Variants in CIAO3 observed in about 807,000 individuals in gnomAD.
CIAO3 encodes the protein LET1 like/JFP15.
CIAO3 carries 45 observed loss-of-function variants against 51.5 expected under a neutral mutation model. The observed-to-expected ratio is 0.87, with a 90% CI of 0.69 to 1.12. The LOEUF (loss-of-function observed/expected upper bound fraction) is 1.12, where lower values mean the gene tolerates loss of function less well. Ranked by LOEUF, CIAO3 falls within the 50% of genes most tolerant of loss-of-function variation. The probability of loss-of-function intolerance (pLI) is 0.00; values close to 1 mark genes in which losing one functional copy is unlikely to be tolerated. For synonymous variants in CIAO3, 314 were observed against 269.3 expected (o/e 1.17, Z -1.63); for missense variants, 668 against 632.5 (o/e 1.06, Z -0.60).
In CIAO3 at chr16:729,994, A is replaced by G; in HGVS notation, c.*423T>C. On this transcript the variant is annotated 3_prime_UTR_variant, in exon 11 of 11. Transcript: ENST00000251588. ...CCCTGCAGGTCCAGCTCTGTCTCCC[A>G]CCTTTTGCACAGAGCTTCAAGGGAA... The G allele has an allele frequency of 3.0e-6, 1 of 337,902 alleles. No homozygotes were observed. The highest frequency in any genetic ancestry group is 8.6e-5 in the East Asian group (1 of 11,690). 20.9% of individuals were successfully genotyped at this position (337,902 alleles called of 1,614,324 possible).
chr16:734,190 C>T (rs746000897), intron 6 of CIAO3, 39 bp downstream of exon 6: 47 of 1,574,122 alleles, frequency 3.0e-5, no homozygotes, highest in Non-Finnish European at 1.9e-5. Flanking sequence ...CTTCTGGCCG[C>T]TCCCCAGCCT....
intron 1 of CIAO3, 26 bp downstream of exon 1, chr16:740,894 G>T: frequency 6.6e-7 from 1 of 1,526,644 alleles, no homozygotes; most frequent in Admixed American, 2.0e-5. Flanking sequence ...GCGCAGCCTC[G>T]ACCCCGCCCG....
At chr16:732,716 G>C in intron 7 of CIAO3, 1 of 366,922 alleles carries the variant, frequency 2.7e-6, no homozygotes, top group Non-Finnish European at 5.3e-6. Flanking sequence ...GGCTCACTAC[G>C]ACCTCTGCCC....
At position 734,322 on chromosome 16, in the gene CIAO3, A is replaced by G. The variant is rs756645450; in HGVS notation, c.600T>C (p.Thr200=). Residue 200 remains threonine (T), a synonymous_variant, in exon 6 of 11, where the codon ACT becomes ACC. Coordinates refer to ENST00000251588, the MANE Select transcript of CIAO3 (RefSeq NM_022493.3). ...TGTGGGGGAGGATGAAGCTGCCGTG[A>G]GTCTTCTCGGCATAGCAGATCCAGC... is the stretch of plus-strand genomic sequence containing the variant. ...CPGWICYAEK[T]HGSFILPHIS... 2 of 1,611,300 alleles carry G rather than the reference A, an allele frequency of 1.2e-6. No homozygotes were observed. Among genetic ancestry groups the G allele is most frequent in the Admixed American group, 1.7e-5 (1 of 60,006 alleles).
At position 737,740 on chromosome 16, in the gene CIAO3, C is replaced by T. The variant is rs376371070; in HGVS notation, c.163-411G>A. The T allele has an allele frequency of 5.0e-5, 64 of 1,277,356 alleles. 1 individual carries two copies. The African/African-American group carries it at 7.3e-4, about 15-fold the overall frequency. The allele number at this position is 1,277,356 out of a possible 1,614,324, so 79.1% of individuals were successfully genotyped here. The stretch of plus-strand genomic sequence containing the variant: ...AAGCTGAGGACAAAGGAGGAAAGGA[C>T]GAAGGCACAGGAAGAGGAGAGCAGA... On this transcript the variant is annotated intron_variant, in intron 2 of 10. Coordinates refer to ENST00000251588, the MANE Select transcript of CIAO3 (RefSeq NM_022493.3). This position sits in a 1 kb window ranked among gnomAD's most constrained non-coding sequence, Gnocchi z 5.3.
Position 737,655 on chromosome 16 carries a change from A to G in CIAO3, c.163-326T>C. On this transcript the variant is annotated intron_variant, in intron 2 of 10. Transcript: ENST00000251588. This position sits in a 1 kb window ranked among gnomAD's most constrained non-coding sequence, Gnocchi z 5.3. ...GGACGGGGTGCTGGCCCCGGTGCAC[A>G]CTCACAGGGCTGTAGGGCAGGAAAA... 1 of 1,340,002 alleles carries G rather than the reference A, an allele frequency of 7.5e-7. No homozygotes were observed. The highest frequency in any genetic ancestry group is 9.8e-7 in the Non-Finnish European group (1 of 1,022,734). 83.0% of individuals were successfully genotyped at this position (1,340,002 alleles called of 1,614,324 possible).
Position 734,717 on chromosome 16 carries a change from C to T in CIAO3, c.574+20G>A. 2.5e-6 allele frequency: 4 copies of T among 1,612,780 alleles called. No homozygotes were observed. Among genetic ancestry groups the T allele is most frequent in the Non-Finnish European group, 3.4e-6 (4 of 1,179,858 alleles). On this transcript the variant is annotated intron_variant, in intron 5 of 10. Transcript: ENST00000251588. ...CTGCACTTGAACTTGACTCTCCCACCACCCGCACCATGAGCACACCTGGGC... is the reference window on the plus strand; with the variant it reads ...CTGCACTTGAACTTGACTCTCCCACTACCCGCACCATGAGCACACCTGGGC...
intron 8 of CIAO3, 139 bp from the exon 9 acceptor site, chr16:731,841 G>T: frequency 8.5e-7 from 1 of 1,178,512 alleles, no homozygotes; most frequent in Non-Finnish European, 1.1e-6. Flanking sequence ...CAGCTCCTGT[G>T]TCACCAGCCA....
chr16:740,330 G>A (rs1236286685), intron 1 of CIAO3: 2 of 352,328 alleles, frequency 5.7e-6, no homozygotes, highest in Non-Finnish European at 1.1e-5. Flanking sequence ...GGGTTCAAGG[G>A]TAGCTGTCCG....
intron 9 of CIAO3, 48 bp downstream of exon 9, chr16:731,517 G>A: frequency 1.3e-6 from 2 of 1,507,454 alleles, no homozygotes; most frequent in South Asian, 1.3e-5. Context: ...GAGGAAGGCT[G>A]GGGGCTGTGT....
In CIAO3 at chr16:739,297, TCAAACAAA is replaced by T. The variant is rs71890589; in HGVS notation, c.162+338_162+345del. Reference sequence around the variant, plus strand: ...CTGGGCCATCGAGGGAGACTCTGTATCAAACAAACAAACAAACAAACAAACAAAAGAAC... The same window carrying T: ...CTGGGCCATCGAGGGAGACTCTGTATCAAACAAACAAACAAACAAAAGAAC... On this transcript the variant is annotated intron_variant, in intron 2 of 10. Coordinates refer to ENST00000251588, the MANE Select transcript of CIAO3 (RefSeq NM_022493.3). 218 of 291,028 alleles carry T rather than the reference TCAAACAAA, an allele frequency of 7.5e-4. 2 individuals carry two copies. Among genetic ancestry groups the T allele is most frequent in the Middle Eastern group, 3.7e-3 (3 of 806 alleles). The allele number at this position is 291,028 out of a possible 1,614,324, so 18.0% of individuals were successfully genotyped here.
At chr16:730,711 G>C (rs1445560055) in intron 10 of CIAO3, 56 bp from the exon 11 acceptor site, 2 of 1,587,186 alleles carry the variant, frequency 1.3e-6, no homozygotes, top group Non-Finnish European at 1.7e-6. Context: ...CAAGCTTCCT[G>C]ACCACCAGGG....
chr16:740,914 G>T lies in CIAO3; in HGVS notation c.66+6C>A. Reference sequence around the variant, plus strand: ...GCCTCGACCCCGCCCGCCCAGGCCGGCCCACCTGAGACGGCCCGATGAAGT... The same window carrying T: ...GCCTCGACCCCGCCCGCCCAGGCCGTCCCACCTGAGACGGCCCGATGAAGT... On this transcript the variant is annotated splice_donor_region_variant and intron_variant, in intron 1 of 10. Transcript: ENST00000251588. 1 of 1,528,910 alleles carries T rather than the reference G, an allele frequency of 6.5e-7. No homozygotes were observed. Among genetic ancestry groups the T allele is most frequent in the Non-Finnish European group, 8.8e-7 (1 of 1,142,646 alleles). The allele number at this position is 1,528,910 out of a possible 1,614,324, so 94.7% of individuals were successfully genotyped here.
At chr16:740,381 C>T (rs2041378997) in intron 1 of CIAO3, 1 of 324,464 alleles carries the variant, frequency 3.1e-6, no homozygotes, top group African/African-American at 2.2e-5. Flanking sequence ...ACTGAGGAGC[C>T]ACTGCGGGGC....
intron 2 of CIAO3, chr16:738,352 T>TC (rs2041359539): frequency 2.3e-6 from 2 of 875,086 alleles, no homozygotes; most frequent in South Asian, 5.2e-5. Flanking sequence ...ATAGTTTCTT[T>TC]TTTTTTTTTT....
In CIAO3 at chr16:730,251, G is replaced by T; in HGVS notation, c.*166C>A. ...GTGGGAACCCAGAGGCACCCAACTG[G>T]AGGTGACGAGGCGGCTGCGGGTCCT... On this transcript the variant is annotated 3_prime_UTR_variant, in exon 11 of 11. Coordinates refer to ENST00000251588, the MANE Select transcript of CIAO3 (RefSeq NM_022493.3). The T allele has an allele frequency of 4.4e-6, 3 of 678,622 alleles. No individual in the cohort carries two copies. The highest frequency in any genetic ancestry group is 7.4e-6 in the Non-Finnish European group (3 of 403,730). The allele number at this position is 678,622 out of a possible 1,614,324, so 42.0% of individuals were successfully genotyped here.
chr16:739,645 G>A lies in CIAO3; in HGVS notation c.160C>T (p.Gln54Ter). 1 of 1,613,952 alleles carries A rather than the reference G, an allele frequency of 6.2e-7. No homozygotes were observed. Among genetic ancestry groups the A allele is most frequent in the Non-Finnish European group, 8.5e-7 (1 of 1,179,854 alleles). ...EDDGSYFQIN[Q>*]DGGTRRLEKA... ...TGGAGCAGCCTCCTGTGCCTTACTT[G>A]GTTAATTTGGAAGTAGCTCCCGTCA... Residue 54 changes from glutamine to a stop codon, truncating the protein, a stop_gained and splice_region_variant, in exon 2 of 11, where the codon CAA (glutamine) becomes TAA (stop). Transcript: ENST00000251588. LOFTEE classifies it high-confidence loss of function.
In CIAO3 at chr16:733,304, T is replaced by C. The variant is rs1472708026; in HGVS notation, c.817A>G (p.Thr273Ala). 6.2e-7 allele frequency: 1 copy of C among 1,613,352 alleles called. No individual in the cohort carries two copies. Among genetic ancestry groups the C allele is most frequent in the Non-Finnish European group, 8.5e-7 (1 of 1,179,954 alleles). ...CCGCACGGCGTGACCGCACCTGTTGTGAGGACACAGTCCACATCCCGTGTC... is the reference window on the plus strand; with the variant it reads ...CCGCACGGCGTGACCGCACCTGTTGCGAGGACACAGTCCACATCCCGTGTC... ...HQTRDVDCVL[T>A]TGEVFRLLEE... The change falls in exon 7 of 11, where the codon ACA becomes GCA. Residue 273 changes from threonine to alanine, a missense_variant. By Grantham distance (58) the Thr-to-Ala change is moderately conservative. Transcript: ENST00000251588.
In CIAO3 at chr16:734,645, C is replaced by G. The variant is rs770465632; in HGVS notation, c.574+92G>C. On this transcript the variant is annotated intron_variant, in intron 5 of 10. Transcript: ENST00000251588. ...CAAAACCTGCTTGCGTCTCCACCCC[C>G]CATGCCCCCGCCTTGTCATTTGTGT... The G allele has an allele frequency of 5.6e-6, 9 of 1,604,794 alleles. No individual in the cohort carries two copies. The East Asian group carries it at 1.8e-4, about 32-fold the overall frequency.
Sources: allele counts gnomAD v4.1 joint callset, GRCh38; gene constraint gnomAD v4.1.1; non-coding constraint Gnocchi (gnomAD v3.1); transcripts MANE v1.5; gene names NCBI Gene and HGNC (gene_info 2026-07-23, HGNC 2026-07-21).